The following CLASP1 variants were observed in gnomAD, a reference collection of about 807,000 sequenced individuals.
CLASP1 encodes the protein CLIP-associating protein 1.
Under a neutral mutation model 192.3 loss-of-function variants are expected in CLASP1, and 38 were observed. That is an observed-to-expected ratio of 0.20 (90% CI 0.15 to 0.26). The LOEUF is 0.26. Ranked by LOEUF, CLASP1 falls within the 10% of genes least tolerant of loss-of-function variation. The probability of loss-of-function intolerance (pLI) is 1.00; values close to 1 mark genes in which losing one functional copy is unlikely to be tolerated. For synonymous variants in CLASP1, 691 were observed against 712.8 expected, an observed-to-expected ratio of 0.97 and a Z score of 0.49; for missense variants, 1,433 against 1,932.5, an observed-to-expected ratio of 0.74 and a Z score of 4.85.
chr2:121,359,582 A>G (rs2065980886), intron 37 of CLASP1, among the ~76,000 whole-genome samples: 1 of 152,192 alleles, frequency 6.6e-6, no homozygotes, highest in Admixed American at 6.5e-5. Context: ...TTAAAAGGTC[A>G]CTCTCAAGGC....
At position 121,406,622 on chromosome 2, in the gene CLASP1, G is replaced by A. The variant is rs144391200; in HGVS notation, c.2669+849C>T. Among the ~76,000 whole-genome samples the A allele has an allele frequency of 2.1e-3, 326 of 151,640 alleles. 1 individual carries two copies. Among genetic ancestry groups the A allele is most frequent in the African/African-American group, 7.5e-3 (311 of 41,330 alleles). ...TTTATTTTTTTTGAGACAGGATTTC[G>A]CTCTGCCACTCAAGCTAGAGGGCAG... On this transcript the variant is annotated intron_variant, in intron 25 of 39. Transcript: ENST00000263710.
At chr2:121,533,910 T>G (rs143033589) in intron 2 of CLASP1, among the ~76,000 whole-genome samples, 1,675 of 152,302 alleles carry the variant, frequency 0.011, 26 homozygotes, top group African/African-American at 0.032. Context: ...GTTCTCAAGG[T>G]CCAACACATC....
intron 19 of CLASP1, among the ~76,000 whole-genome samples, chr2:121,436,636 C>T (rs1237789040): frequency 6.6e-6 from 1 of 152,012 alleles, no homozygotes; most frequent in Non-Finnish European, 1.5e-5. Context: ...GTCTCAAACT[C>T]CTGGCCTTCA....
At chr2:121,551,337 G>A (rs1168178892) in intron 2 of CLASP1, among the ~76,000 whole-genome samples, 2 of 152,164 alleles carry the variant, frequency 1.3e-5, no homozygotes, top group Admixed American at 6.5e-5. Context: ...CATAGTATTG[G>A]AAGGTCTAGC....
intron 8 of CLASP1, among the ~76,000 whole-genome samples, chr2:121,499,282 C>T (rs112088874): frequency 5.5e-4 from 84 of 152,100 alleles, no homozygotes; most frequent in African/African-American, 1.9e-3. Context: ...TATGGATGAA[C>T]CTTGAAAACA....
At chr2:121,609,874 G>C (rs931416875) in intron 1 of CLASP1, among the ~76,000 whole-genome samples, 1 of 152,218 alleles carries the variant, frequency 6.6e-6, no homozygotes, top group Admixed American at 6.5e-5. Context: ...CAGGGAGTCA[G>C]AGGTTGCAGT....
Position 121,460,222 on chromosome 2 carries a change from AAAGTTC to A in CLASP1, c.1033-103_1033-98del. ...ATCAAATACAAAAGAGATCATTGTTAAAGTTCAACTGATTAGAAAGCTTTCCCAAAA... is the reference window on the plus strand; with the variant it reads ...ATCAAATACAAAAGAGATCATTGTTAAACTGATTAGAAAGCTTTCCCAAAA... On this transcript the variant is annotated intron_variant, in intron 11 of 39. Coordinates refer to ENST00000263710, the Ensembl canonical transcript of CLASP1. 3.1e-6 allele frequency: 3 copies of A among 970,114 alleles called. No homozygotes were observed. The South Asian group carries it at 6.5e-5, about 21-fold the overall frequency. 60.1% of individuals were successfully genotyped at this position (970,114 alleles called of 1,614,324 possible).
intron 1 of CLASP1, among the ~76,000 whole-genome samples, chr2:121,617,897 C>T (rs1212056030): frequency 2.6e-5 from 4 of 152,192 alleles, no homozygotes; most frequent in South Asian, 4.1e-4. Flanking sequence ...TAGTCATATA[C>T]GCTGGCCTCC....
intron 6 of CLASP1, among the ~76,000 whole-genome samples, chr2:121,516,404 A>G (rs914729895): frequency 2.0e-5 from 3 of 152,364 alleles, no homozygotes; most frequent in African/African-American, 7.2e-5. Flanking sequence ...GCAGGATTTC[A>G]CCAGGTCCAG....
intron 19 of CLASP1, among the ~76,000 whole-genome samples, chr2:121,438,776 T>C (rs1401367668): frequency 6.6e-6 from 1 of 151,560 alleles, no homozygotes; most frequent in African/African-American, 2.4e-5. Context: ...ATCAAGGATA[T>C]TGGTCTAAAA....
intron 30 of CLASP1, among the ~76,000 whole-genome samples, chr2:121,390,036 G>A (rs1478944787): frequency 1.3e-5 from 2 of 152,106 alleles, no homozygotes; most frequent in African/African-American, 4.8e-5. Context: ...CATAGTGCCG[G>A]GCCCAAGTAT....
intron 1 of CLASP1, among the ~76,000 whole-genome samples, chr2:121,636,289 C>T (rs10209941): frequency 0.24 from 35,634 of 149,920 alleles, 6,427 homozygotes; most frequent in African/African-American, 0.5. Context: ...TGGGCTGAGA[C>T]TGCGCCACTG....
chr2:121,615,715 T>C (rs2066336952), intron 1 of CLASP1, among the ~76,000 whole-genome samples: 1 of 151,866 alleles, frequency 6.6e-6, no homozygotes, highest in South Asian at 2.1e-4. Context: ...ACCCAGGAGG[T>C]GCAAGTTGCA....
chr2:121,554,178 G>C (rs2058308717), intron 2 of CLASP1, among the ~76,000 whole-genome samples: 1 of 152,000 alleles, frequency 6.6e-6, no homozygotes, highest in African/African-American at 2.4e-5. Flanking sequence ...ATCACCCACT[G>C]CACTCTGGCC....
intron 19 of CLASP1, among the ~76,000 whole-genome samples, chr2:121,446,079 G>A (rs1296178072): frequency 6.6e-6 from 1 of 152,130 alleles, no homozygotes; most frequent in African/African-American, 2.4e-5. Flanking sequence ...AGTTAAAAAC[G>A]ATTTTAAAAA....
At chr2:121,554,970 A>G (rs2058404343) in intron 2 of CLASP1, among the ~76,000 whole-genome samples, 1 of 152,196 alleles carries the variant, frequency 6.6e-6, no homozygotes, top group Admixed American at 6.5e-5. Flanking sequence ...AGAACTTATT[A>G]TACCTGCCCC....
intron 1 of CLASP1, among the ~76,000 whole-genome samples, chr2:121,624,473 T>A (rs35380545): frequency 6.6e-6 from 1 of 151,790 alleles, no homozygotes. Context: ...ACAGTGCACA[T>A]TTGCGTGATC....
intron 19 of CLASP1, chr2:121,445,081 AT>A: frequency 1.9e-6 from 1 of 531,984 alleles, no homozygotes; most frequent in Non-Finnish European, 3.3e-6. Context: ...TTAAAACAAA[AT>A]TAAAAGGGAA....
intron 6 of CLASP1, among the ~76,000 whole-genome samples, chr2:121,525,362 A>G (rs563861784): frequency 5.3e-5 from 8 of 152,328 alleles, no homozygotes; most frequent in South Asian, 2.1e-4. Context: ...TTAAGGGTTC[A>G]GTTGAGGAGT....
Sources: allele counts gnomAD v4.1 joint callset (sites outside exome capture counted in the v4.1 genomes callset), GRCh38; gene constraint gnomAD v4.1.1; transcripts MANE v1.5; gene names NCBI Gene and HGNC (gene_info 2026-07-23, HGNC 2026-07-21).